TCERG1L: variants seen among roughly 807,000 people sequenced by gnomAD.
TCERG1L encodes the protein transcription elongation regulator 1-like protein.
TCERG1L carries 37 observed loss-of-function variants against 56.3 expected under a neutral mutation model. That is an observed-to-expected ratio of 0.66 (90% CI 0.51 to 0.87). The LOEUF (loss-of-function observed/expected upper bound fraction) is 0.87. Among genes scored for constraint, TCERG1L ranks in the 40% least tolerant of loss-of-function variants. The pLI, the probability that TCERG1L is intolerant of heterozygous loss-of-function variation, is 0.00. For missense variants in TCERG1L, 799 were observed against 774.2 expected (o/e 1.03, Z -0.38); for synonymous variants, 324 against 326.3 (o/e 0.99, Z 0.08).
At chr10:131,162,189 T>A (rs1845985271) in intron 6 of TCERG1L, 1 of 151,864 alleles carries the variant, frequency 6.6e-6, no homozygotes, top group Non-Finnish European at 1.5e-5. Context: ...ATTGTAAGGG[T>A]TGGAGAATGG....
chr10:131,242,639 T>C (rs761048215), intron 4 of TCERG1L, among the ~76,000 whole-genome samples: 1 of 152,190 alleles, frequency 6.6e-6, no homozygotes, highest in Non-Finnish European at 1.5e-5. Flanking sequence ...TTTTCCAGCT[T>C]TGAAATACTT....
At chr10:131,154,689 G>A (rs1279414954) in intron 6 of TCERG1L, among the ~76,000 whole-genome samples, 3 of 152,182 alleles carry the variant, frequency 2.0e-5, no homozygotes, top group Non-Finnish European at 2.9e-5. Context: ...CAGGAGGAGC[G>A]CAGGGAGACC....
intron 3 of TCERG1L, among the ~76,000 whole-genome samples, chr10:131,289,340 A>AAGT (rs10626184): frequency 5.3e-4 from 81 of 151,762 alleles, no homozygotes; most frequent in Non-Finnish European, 1.0e-3. Flanking sequence ...TCTGATTATA[A>AAGT]AATACAGACT....
At chr10:131,093,591 C>G (rs1191286592) in intron 11 of TCERG1L, among the ~76,000 whole-genome samples, 3 of 152,208 alleles carry the variant, frequency 2.0e-5, no homozygotes, top group Admixed American at 6.5e-5. Context: ...CCTCCTCAGC[C>G]GTCTCATGCA....
chr10:131,116,755 C>G (rs202132635), intron 9 of TCERG1L, 44 bp downstream of exon 9: 3 of 1,542,228 alleles, frequency 1.9e-6, no homozygotes, highest in East Asian at 4.9e-5. Flanking sequence ...GCTGTTCCCC[C>G]GGGTCTGCCG....
chr10:131,107,749 A>G (rs751713516), intron 9 of TCERG1L, among the ~76,000 whole-genome samples: 3 of 152,094 alleles, frequency 2.0e-5, no homozygotes, highest in Admixed American at 1.3e-4. Context: ...ACACACACAC[A>G]TAAGCACACA....
At chr10:131,256,125 T>G (rs1589763249) in intron 4 of TCERG1L, among the ~76,000 whole-genome samples, 1 of 152,232 alleles carries the variant, frequency 6.6e-6, no homozygotes, top group South Asian at 2.1e-4. Context: ...AATGTTAATA[T>G]GTATTATGAC....
At chr10:131,201,752 T>C (rs1287588678) in intron 4 of TCERG1L, among the ~76,000 whole-genome samples, 1 of 152,228 alleles carries the variant, frequency 6.6e-6, no homozygotes, top group Non-Finnish European at 1.5e-5. Flanking sequence ...GATGTCCTCA[T>C]GCGTCCTTCT....
intron 11 of TCERG1L, among the ~76,000 whole-genome samples, chr10:131,097,474 A>G (rs1355691414): frequency 2.0e-5 from 3 of 152,058 alleles, no homozygotes; most frequent in Non-Finnish European, 2.9e-5. Context: ...CAGTCTCCCA[A>G]GCAGCTGGGA....
chr10:131,150,425 G>C (rs1292352587), intron 6 of TCERG1L, among the ~76,000 whole-genome samples: 4 of 152,240 alleles, frequency 2.6e-5, no homozygotes, highest in Non-Finnish European at 5.9e-5. Flanking sequence ...AGGGCCACGG[G>C]AGAATTATCC....
intron 4 of TCERG1L, among the ~76,000 whole-genome samples, chr10:131,248,781 C>T (rs60163250): frequency 0.18 from 26,889 of 152,182 alleles, 2,539 homozygotes; most frequent in East Asian, 0.23. Context: ...CAGAGCTGAG[C>T]CCCAGTGCCA....
chr10:131,222,707 C>A (rs1296399242), intron 4 of TCERG1L, among the ~76,000 whole-genome samples: 2 of 152,198 alleles, frequency 1.3e-5, no homozygotes, highest in Non-Finnish European at 2.9e-5. Context: ...TCTAAGCAGT[C>A]ACGGCAACAG....
chr10:131,197,709 G>A (rs1461875990), intron 4 of TCERG1L, among the ~76,000 whole-genome samples: 1 of 152,174 alleles, frequency 6.6e-6, no homozygotes, highest in Non-Finnish European at 1.5e-5. Context: ...AGCCAGAGCC[G>A]ACCTGAGGTG....
chr10:131,250,124 G>A (rs762070449), intron 4 of TCERG1L, among the ~76,000 whole-genome samples: 22 of 152,222 alleles, frequency 1.4e-4, no homozygotes, highest in Non-Finnish European at 2.5e-4. Context: ...TGCATGCGGC[G>A]TGCACGCCTG....
intron 4 of TCERG1L, among the ~76,000 whole-genome samples, chr10:131,206,807 G>A (rs1032626989): frequency 6.6e-6 from 1 of 152,146 alleles, no homozygotes; most frequent in Non-Finnish European, 1.5e-5. Flanking sequence ...CCTTGAAGAG[G>A]ACAAGATCAT....
At chr10:131,244,284 GA>G (rs1375423543) in intron 4 of TCERG1L, among the ~76,000 whole-genome samples, 2 of 152,168 alleles carry the variant, frequency 1.3e-5, no homozygotes, top group Non-Finnish European at 2.9e-5. Flanking sequence ...GTGTGACCGT[GA>G]AGCATGAGAA....
chr10:131,200,014 T>C (rs61861199), intron 4 of TCERG1L, among the ~76,000 whole-genome samples: 17,303 of 152,178 alleles, frequency 0.11, 1,127 homozygotes, highest in Middle Eastern at 0.19. Context: ...CTCCTCTGAA[T>C]GGCCCTTCCC....
At chr10:131,263,124 C>T (rs1846249630) in intron 3 of TCERG1L, among the ~76,000 whole-genome samples, 1 of 152,072 alleles carries the variant, frequency 6.6e-6, no homozygotes, top group African/African-American at 2.4e-5. Flanking sequence ...AGACTGTCTT[C>T]CACGGTGGCT....
At chr10:131,174,799 G>C (rs1021863067) in intron 4 of TCERG1L, among the ~76,000 whole-genome samples, 3 of 152,086 alleles carry the variant, frequency 2.0e-5, no homozygotes, top group Non-Finnish European at 4.4e-5. Flanking sequence ...TCCACAAGAA[G>C]GGGTCTCAGT....
Sources: allele counts gnomAD v4.1 joint callset (sites outside exome capture counted in the v4.1 genomes callset), GRCh38; gene constraint gnomAD v4.1.1; transcripts MANE v1.5; gene names NCBI Gene and HGNC (gene_info 2026-07-23, HGNC 2026-07-21).